Variants in AGAP1 observed in about 807,000 individuals in gnomAD.
AGAP1 encodes arf-GAP with GTPase, ANK repeat and PH domain-containing protein 1.
A neutral mutation model predicts 105.3 loss-of-function variants in AGAP1; 29 were observed. That is an observed-to-expected ratio of 0.28 (90% CI 0.21 to 0.38). The LOEUF (loss-of-function observed/expected upper bound fraction) is 0.38, where lower values mean the gene tolerates loss of function less well. Among genes scored for constraint, AGAP1 ranks in the 10% least tolerant of loss-of-function variants. The pLI, the probability that AGAP1 is intolerant of heterozygous loss-of-function variation, is 1.00. For missense variants in AGAP1, 998 were observed against 1,165.1 expected, an observed-to-expected ratio of 0.86 and a Z score of 2.09; for synonymous variants, 509 against 485.9, an observed-to-expected ratio of 1.05 and a Z score of -0.63.
chr2:235,783,408 A>G, intron 6 of AGAP1: 1 of 470,954 alleles, frequency 2.1e-6, no homozygotes, highest in Non-Finnish European at 4.4e-6. Context: ...ATTGATAATC[A>G]GGTGTTGCTT....
chr2:236,029,184 T>TTG (rs1004471815), intron 13 of AGAP1, among the ~76,000 whole-genome samples: 2 of 84,700 alleles, frequency 2.4e-5, no homozygotes, highest in African/African-American at 1.4e-4. Context: ...TTTTATTTAG[T>TTG]TTTTTTTTTT....
chr2:235,549,756 A>G lies in AGAP1; in HGVS notation c.163+54907A>G, dbSNP rs1021872929. Among the ~76,000 whole-genome samples, 13 of 152,292 alleles carry G rather than the reference A, an allele frequency of 8.5e-5. No individual in the cohort carries two copies. The highest frequency in any genetic ancestry group is 3.4e-3 in the Middle Eastern group (1 of 294). Reference sequence around the variant, plus strand: ...CTTAGCAGTTCGCGTTCTATATAGAACTGTTTACACCTCTCAGGATTCTTA... The same window carrying G: ...CTTAGCAGTTCGCGTTCTATATAGAGCTGTTTACACCTCTCAGGATTCTTA... On this transcript the variant is annotated intron_variant, in intron 1 of 17. Coordinates refer to ENST00000304032, the MANE Select transcript of AGAP1 (RefSeq NM_001037131.3). This position sits in a 1 kb window ranked among gnomAD's most constrained non-coding sequence, Gnocchi z 4.2.
intron 1 of AGAP1, chr2:235,671,073 G>C (rs983813550): frequency 4.8e-6 from 6 of 1,260,032 alleles, no homozygotes; most frequent in Non-Finnish European, 6.0e-6. Flanking sequence ...CAGCGTGGCC[G>C]GGGGTCCCGG....
At chr2:235,800,378 G>A (rs1418820070) in intron 8 of AGAP1, among the ~76,000 whole-genome samples, 1 of 151,946 alleles carries the variant, frequency 6.6e-6, no homozygotes, top group Non-Finnish European at 1.5e-5. Context: ...TGGGATTACA[G>A]GCATGAGCCA....
At chr2:235,932,265 C>G (rs2052761348) in intron 12 of AGAP1, among the ~76,000 whole-genome samples, 1 of 152,266 alleles carries the variant, frequency 6.6e-6, no homozygotes, top group South Asian at 2.1e-4. Flanking sequence ...CTCCATGAGC[C>G]TCCGTTTTCT....
chr2:235,930,216 G>A lies in AGAP1; in HGVS notation c.1325-549G>A, dbSNP rs928613394. Among the ~76,000 whole-genome samples the A allele has an allele frequency of 2.0e-5, 3 of 152,218 alleles. No individual in the cohort carries two copies. The highest frequency in any genetic ancestry group is 7.2e-5 in the African/African-American group (3 of 41,468). ...CTGCTTAGTCTTTTCAAGGTTAAGA[G>A]TAAACTTATCTGGTTGAAGAGCCTG... On this transcript the variant is annotated intron_variant, in intron 11 of 17. Transcript: ENST00000304032. The surrounding 1 kb of genome is among the most constrained non-coding windows in gnomAD (Gnocchi z 7.9).
chr2:235,820,119 T>A (rs1042281936), intron 9 of AGAP1, among the ~76,000 whole-genome samples: 1 of 152,042 alleles, frequency 6.6e-6, no homozygotes, highest in Non-Finnish European at 1.5e-5. Flanking sequence ...AGGCCGGTCT[T>A]CAAGTCCCAA....
rs546094856 is a variant in AGAP1 at position 235,988,366 on chromosome 2, T to C, written c.1645+19743T>C. Among the ~76,000 whole-genome samples, 42 of 152,132 alleles carry C rather than the reference T, an allele frequency of 2.8e-4. No homozygotes were observed. Among genetic ancestry groups the C allele is most frequent in the Non-Finnish European group, 5.0e-4 (34 of 68,020 alleles). ...CCTAAAACTCCTTTTGATTGGTGCG[T>C]GGGTGACAATGGATTCCCTGTCCCT... On this transcript the variant is annotated intron_variant, in intron 13 of 17. Transcript: ENST00000304032. The surrounding 1 kb of genome is among the most constrained non-coding windows in gnomAD (Gnocchi z 4.7).
rs1559394962 is a variant in AGAP1 at position 235,720,977 on chromosome 2, G to A, written c.310+3333G>A. ...ATATTTTATTCTTGTAGTGAAGAGA[G>A]CCAACTCACAAGATTTAGATTATTT... On this transcript the variant is annotated intron_variant, in intron 3 of 17. Coordinates refer to ENST00000304032, the MANE Select transcript of AGAP1 (RefSeq NM_001037131.3). The surrounding 1 kb of genome is among the most constrained non-coding windows in gnomAD (Gnocchi z 5.0). Among the ~76,000 whole-genome samples the A allele has an allele frequency of 6.6e-6, 1 of 152,106 alleles. No individual in the cohort carries two copies. The highest frequency in any genetic ancestry group is 1.5e-5 in the Non-Finnish European group (1 of 68,018).
intron 9 of AGAP1, among the ~76,000 whole-genome samples, chr2:235,850,641 C>T (rs1242084864): frequency 6.6e-6 from 1 of 152,250 alleles, no homozygotes; most frequent in Non-Finnish European, 1.5e-5. Context: ...TACTTTAGGA[C>T]ATTTTGGAAT....
At chr2:235,540,827 A>G (rs906574202) in intron 1 of AGAP1, among the ~76,000 whole-genome samples, 2 of 152,196 alleles carry the variant, frequency 1.3e-5, no homozygotes, top group Non-Finnish European at 2.9e-5. Context: ...CTGGTGTGTA[A>G]ACTTCATGTT....
chr2:235,676,524 A>AC (rs2149380935), intron 1 of AGAP1, among the ~76,000 whole-genome samples: 1 of 152,340 alleles, frequency 6.6e-6, no homozygotes, highest in East Asian at 1.9e-4. Context: ...GTAGGAGTTT[A>AC]CCAGGTAGAG....
chr2:235,932,922 G>A lies in AGAP1; in HGVS notation c.1483+1999G>A, dbSNP rs539226864. On this transcript the variant is annotated intron_variant, in intron 12 of 17. Coordinates refer to ENST00000304032, the MANE Select transcript of AGAP1 (RefSeq NM_001037131.3). Reference sequence around the variant, plus strand: ...CCCATGTGAGACTAAAGTCGCCTACGTTTGAATGCCAGTTTTTTATTCACA... The same window carrying A: ...CCCATGTGAGACTAAAGTCGCCTACATTTGAATGCCAGTTTTTTATTCACA... 1.4e-4 allele frequency among the ~76,000 whole-genome samples: 22 copies of A among 152,302 alleles called. No homozygotes were observed. The East Asian group carries it at 3.9e-3, about 27-fold the overall frequency.
rs764994525 is a variant in AGAP1, at chr2:235,494,858, C to G, written c.163+9C>G. The G allele has an allele frequency of 6.4e-7, 1 of 1,561,316 alleles. No homozygotes were observed. Reference sequence around the variant, plus strand: ...CGTCATCGCCATCGAAGGTGAGGGCCGGGCCGCCTTGGGGCCTCGGGAAGG... The same window carrying G: ...CGTCATCGCCATCGAAGGTGAGGGCGGGGCCGCCTTGGGGCCTCGGGAAGG... On this transcript the variant is annotated intron_variant, in intron 1 of 17. Coordinates refer to ENST00000304032, the MANE Select transcript of AGAP1 (RefSeq NM_001037131.3).
Position 235,680,988 on chromosome 2 carries a change from G to C in AGAP1, c.164-28191G>C, listed in dbSNP as rs187467481. Reference sequence around the variant, plus strand: ...TTCCTCTCAGCTGGGCAGTTTGCTGGCCTCTGAAAATTCTAGCCCCCCCTC... The same window carrying C: ...TTCCTCTCAGCTGGGCAGTTTGCTGCCCTCTGAAAATTCTAGCCCCCCCTC... On this transcript the variant is annotated intron_variant, in intron 1 of 17. Coordinates refer to ENST00000304032, the MANE Select transcript of AGAP1 (RefSeq NM_001037131.3). 1.6e-4 allele frequency among the ~76,000 whole-genome samples: 24 copies of C among 152,148 alleles called. No homozygotes were observed. In the East Asian group the frequency reaches 4.5e-3, roughly 28 times the overall value.
At position 236,109,792 on chromosome 2, in the gene AGAP1, T is replaced by C. The variant is rs1365171112; in HGVS notation, c.2115-10400T>C. ...TAAAGGAACTGTGTTTTTAATGTTA[T>C]TTTGTTTCAATTCACGTCAACACCC... is the stretch of plus-strand genomic sequence containing the variant. On this transcript the variant is annotated intron_variant, in intron 16 of 17. Coordinates refer to ENST00000304032, the MANE Select transcript of AGAP1 (RefSeq NM_001037131.3). The surrounding 1 kb of genome is among the most constrained non-coding windows in gnomAD (Gnocchi z 5.4). 1.3e-5 allele frequency among the ~76,000 whole-genome samples: 2 copies of C among 152,266 alleles called. No homozygotes were observed. Among genetic ancestry groups the C allele is most frequent in the Non-Finnish European group, 2.9e-5 (2 of 68,044 alleles).
At chr2:235,869,600 C>CA (rs2049343542) in intron 9 of AGAP1, among the ~76,000 whole-genome samples, 1 of 152,080 alleles carries the variant, frequency 6.6e-6, no homozygotes, top group Non-Finnish European at 1.5e-5. Flanking sequence ...GACTCCGTCT[C>CA]AAAAATAAAA....
chr2:235,961,590 G>A lies in AGAP1; in HGVS notation c.1484-6872G>A, dbSNP rs564485066. ...TCAAATGTCCAGGGTGGAGGTGTGC[G>A]GCCAAGGGAGAGTTGTGTTAAAAAT... On this transcript the variant is annotated intron_variant, in intron 12 of 17. Transcript: ENST00000304032. The surrounding 1 kb of genome is among the most constrained non-coding windows in gnomAD (Gnocchi z 5.9). 1.3e-5 allele frequency among the ~76,000 whole-genome samples: 2 copies of A among 152,256 alleles called. No individual in the cohort carries two copies. The highest frequency in any genetic ancestry group is 1.9e-4 in the East Asian group (1 of 5,170).
At chr2:235,876,499 C>G (rs1037220639) in intron 9 of AGAP1, among the ~76,000 whole-genome samples, 1 of 152,200 alleles carries the variant, frequency 6.6e-6, no homozygotes, top group African/African-American at 2.4e-5. Flanking sequence ...CGGACTTCCT[C>G]CTTGAACGTG....
Sources: allele counts gnomAD v4.1 joint callset (sites outside exome capture counted in the v4.1 genomes callset), GRCh38; gene constraint gnomAD v4.1.1; non-coding constraint Gnocchi (gnomAD v3.1); transcripts MANE v1.5; gene names NCBI Gene and HGNC (gene_info 2026-07-23, HGNC 2026-07-21).